STXBP6: variants seen among roughly 807,000 people sequenced by gnomAD.
STXBP6 encodes syntaxin-binding protein 6.
A neutral mutation model predicts 26.9 loss-of-function variants in STXBP6; 21 were observed. The ratio of observed to expected loss-of-function variants is 0.78; its 90% CI spans 0.55 to 1.12. The LOEUF is 1.12. STXBP6 is among the 50% of genes most tolerant of loss of function. The probability of loss-of-function intolerance (pLI) is 0.00; values close to 1 mark genes in which losing one functional copy is unlikely to be tolerated. For synonymous variants in STXBP6, 97 were observed against 92.6 expected, an observed-to-expected ratio of 1.05 and a Z score of -0.27; for missense variants, 232 against 257.9, an observed-to-expected ratio of 0.90 and a Z score of 0.69.
chr14:24,959,491 A>G lies in STXBP6; in HGVS notation c.154+15174T>C, dbSNP rs564385057. 8.5e-5 allele frequency among the ~76,000 whole-genome samples: 13 copies of G among 152,354 alleles called. No individual in the cohort carries two copies. The South Asian group carries it at 2.7e-3, about 32-fold the overall frequency. Reference sequence around the variant, plus strand: ...CCAATCTCAGAGCTATGTTATTTTAAAAAAACAAAAGTGATATTTTTAACA... The same window carrying G: ...CCAATCTCAGAGCTATGTTATTTTAGAAAAACAAAAGTGATATTTTTAACA... On this transcript the variant is annotated intron_variant, in intron 2 of 5. Transcript: ENST00000323944.
chr14:24,838,986 A>C (rs1476957016), intron 4 of STXBP6, among the ~76,000 whole-genome samples: 2 of 152,200 alleles, frequency 1.3e-5, no homozygotes, highest in African/African-American at 2.4e-5. Flanking sequence ...AACCATTAAA[A>C]AAGGTAAAAG....
chr14:24,961,526 A>C (rs915586409), intron 2 of STXBP6, among the ~76,000 whole-genome samples: 1 of 152,176 alleles, frequency 6.6e-6, no homozygotes, highest in Non-Finnish European at 1.5e-5. Flanking sequence ...CATTATTCTA[A>C]GTGAAGTAAC....
At chr14:24,904,250 G>T (rs974026864) in intron 2 of STXBP6, among the ~76,000 whole-genome samples, 2 of 152,112 alleles carry the variant, frequency 1.3e-5, no homozygotes, top group African/African-American at 2.4e-5. Flanking sequence ...GATTTTATGT[G>T]AATAATATAG....
At chr14:24,846,891 T>C (rs2139079780) in intron 4 of STXBP6, among the ~76,000 whole-genome samples, 1 of 152,324 alleles carries the variant, frequency 6.6e-6, no homozygotes, top group South Asian at 2.1e-4. Context: ...AAGTTTATCA[T>C]ATAATGTGAA....
chr14:24,894,334 T>C (rs2070899644), intron 2 of STXBP6, among the ~76,000 whole-genome samples: 1 of 152,184 alleles, frequency 6.6e-6, no homozygotes, highest in African/African-American at 2.4e-5. Context: ...AATGCTAAGA[T>C]ATCTAGGTTG....
chr14:24,824,482 T>C (rs2068227973), intron 4 of STXBP6, among the ~76,000 whole-genome samples: 1 of 152,234 alleles, frequency 6.6e-6, no homozygotes, highest in Admixed American at 6.5e-5. Context: ...TACCCGGTGA[T>C]AGAAGTTGGC....
At chr14:24,942,501 C>T (rs1388690181) in intron 2 of STXBP6, among the ~76,000 whole-genome samples, 1 of 152,182 alleles carries the variant, frequency 6.6e-6, no homozygotes, top group Non-Finnish European at 1.5e-5. Context: ...AGGGGCCACA[C>T]TGAGTGGAAG....
At position 25,049,862 on chromosome 14, in the gene STXBP6, C is replaced by T; in HGVS notation, c.-33+16G>A. 1 of 985,548 alleles carries T rather than the reference C, an allele frequency of 1.0e-6. No homozygotes were observed. 61.1% of individuals were successfully genotyped at this position (985,548 alleles called of 1,614,324 possible). On this transcript the variant is annotated intron_variant, in intron 1 of 5. Transcript: ENST00000323944. The surrounding 1 kb of genome is among the most constrained non-coding windows in gnomAD (Gnocchi z 5.6). ...CCTCCGCCCTGACCGCCTGGCTCCC[C>T]TCGCCCCGGTCCTACCGTGCAGCCT...
rs543997879 is a variant in STXBP6 at position 25,035,265 on chromosome 14, A to G, written c.-33+14613T>C. Among the ~76,000 whole-genome samples the G allele has an allele frequency of 1.4e-4, 21 of 152,310 alleles. No individual in the cohort carries two copies. The East Asian group carries it at 3.3e-3, about 24-fold the overall frequency. The stretch of plus-strand genomic sequence containing the variant: ...TACTGTACCTCTGCTGCAGATGACA[A>G]TGGGACCTGACCTACATCCTAGTTA... On this transcript the variant is annotated intron_variant, in intron 1 of 5. Transcript: ENST00000323944.
At chr14:24,878,538 T>A (rs2070231552) in intron 2 of STXBP6, 1 of 154,864 alleles carries the variant, frequency 6.5e-6, no homozygotes, top group East Asian at 1.9e-4. Context: ...AAATTTCACA[T>A]GTGACCTTCA....
chr14:24,863,204 A>T (rs2069603947), intron 2 of STXBP6, among the ~76,000 whole-genome samples: 1 of 152,172 alleles, frequency 6.6e-6, no homozygotes. Context: ...TGCCCTCCCC[A>T]GACTAGGACC....
At chr14:24,969,098 A>G (rs2073824866) in intron 2 of STXBP6, among the ~76,000 whole-genome samples, 1 of 152,184 alleles carries the variant, frequency 6.6e-6, no homozygotes, top group Non-Finnish European at 1.5e-5. Context: ...ATTACCTTCC[A>G]TGGGTATCTA....
intron 1 of STXBP6, among the ~76,000 whole-genome samples, chr14:25,002,525 A>C (rs764484719): frequency 6.6e-6 from 1 of 151,802 alleles, no homozygotes; most frequent in Non-Finnish European, 1.5e-5. Flanking sequence ...ACAGCCAGCT[A>C]ATTTTTTGTA....
chr14:24,967,571 TA>T (rs1158694863), intron 2 of STXBP6, among the ~76,000 whole-genome samples: 1 of 152,202 alleles, frequency 6.6e-6, no homozygotes, highest in Non-Finnish European at 1.5e-5. Flanking sequence ...TGCATATTTA[TA>T]AAATTAAAAA....
chr14:24,920,711 C>T (rs989898556), intron 2 of STXBP6, among the ~76,000 whole-genome samples: 3 of 152,000 alleles, frequency 2.0e-5, no homozygotes, highest in African/African-American at 4.8e-5. Flanking sequence ...TTTCCAACAT[C>T]TCCTCAATGT....
intron 1 of STXBP6, among the ~76,000 whole-genome samples, chr14:25,035,491 C>T (rs956735378): frequency 2.6e-5 from 4 of 152,204 alleles, no homozygotes; most frequent in Admixed American, 2.6e-4. Context: ...CCAGATCTGA[C>T]ATATACAACC....
intron 2 of STXBP6, among the ~76,000 whole-genome samples, chr14:24,858,440 G>T (rs1594976455): frequency 6.6e-6 from 1 of 152,068 alleles, no homozygotes; most frequent in Non-Finnish European, 1.5e-5. Context: ...ATTTAGTGAA[G>T]ATTTGTTTTT....
chr14:24,864,151 C>T (rs1412683908), intron 2 of STXBP6, among the ~76,000 whole-genome samples: 2 of 152,054 alleles, frequency 1.3e-5, no homozygotes, highest in African/African-American at 2.4e-5. Context: ...CATTCTTAGG[C>T]GAGATTTACA....
At chr14:24,863,281 G>T (rs753001874) in intron 2 of STXBP6, among the ~76,000 whole-genome samples, 2 of 152,050 alleles carry the variant, frequency 1.3e-5, no homozygotes, top group African/African-American at 2.4e-5. Flanking sequence ...ATCCATGAGG[G>T]AATGAATTTT....
Sources: gnomAD v4.1 joint callset for allele counts (sites outside exome capture counted in the v4.1 genomes callset) on GRCh38, gnomAD v4.1.1 for gene constraint, Gnocchi (gnomAD v3.1) non-coding constraint, MANE v1.5 for transcripts, NCBI Gene and HGNC (gene_info 2026-07-23, HGNC 2026-07-21) for gene names.